Variants in RGS7 observed in about 807,000 individuals in gnomAD.
RGS7 encodes the protein regulator of G-protein signaling 7.
Under a neutral mutation model 81.1 loss-of-function variants are expected in RGS7, and 27 were observed. That is an observed-to-expected ratio of 0.33 (90% CI 0.25 to 0.46). RGS7 has a LOEUF of 0.46. Among genes scored for constraint, RGS7 ranks in the 20% least tolerant of loss-of-function variants. RGS7 has a pLI of 1.00. For missense variants in RGS7, 396 were observed against 607.4 expected, an observed-to-expected ratio of 0.65 and a Z score of 3.66; for synonymous variants, 208 against 207.7, an observed-to-expected ratio of 1.00 and a Z score of -0.01.
At position 241,271,983 on chromosome 1, in the gene RGS7, C is replaced by A. The variant is rs940664127; in HGVS notation, c.78+83716G>T. On this transcript the variant is annotated intron_variant, in intron 2 of 18. Coordinates refer to ENST00000440928, the MANE Select transcript of RGS7 (RefSeq NM_001364886.1). The surrounding 1 kb of genome is among the most constrained non-coding windows in gnomAD (Gnocchi z 4.6). ...TGGAGAACCCTGACTACTAGAATTT[C>A]TTTTTTTTTTTTTTTATTTTTATTT... Among the ~76,000 whole-genome samples the A allele has an allele frequency of 8.1e-6, 1 of 124,134 alleles. No homozygotes were observed. Among genetic ancestry groups the A allele is most frequent in the Non-Finnish European group, 1.7e-5 (1 of 59,534 alleles). 81.4% of individuals were successfully genotyped at this position (124,134 alleles called of 152,430 possible).
chr1:241,101,744 C>T (rs1199536259), intron 2 of RGS7, among the ~76,000 whole-genome samples: 1 of 152,194 alleles, frequency 6.6e-6, no homozygotes, highest in Non-Finnish European at 1.5e-5. Context: ...CTTTGTCCTG[C>T]CTCATATCAG....
Position 241,283,974 on chromosome 1 carries a change from T to C in RGS7, c.78+71725A>G, listed in dbSNP as rs114311567. On this transcript the variant is annotated intron_variant, in intron 2 of 18. Transcript: ENST00000440928. ...CTTAGACTTACATTTGGTTCTTTTT[T>C]GTACCTTATATTTCTTTGATAAGAC... 3.7e-3 allele frequency among the ~76,000 whole-genome samples: 570 copies of C among 152,342 alleles called. 6 individuals are homozygous for C. The highest frequency in any genetic ancestry group is 0.013 in the African/African-American group (533 of 41,594).
At position 241,296,446 on chromosome 1, in the gene RGS7, T is replaced by TA. The variant is rs999523181; in HGVS notation, c.78+59252dup. On this transcript the variant is annotated intron_variant, in intron 2 of 18. Transcript: ENST00000440928. ...ATAGTGATTAGGCGCTCAAGTGACA[T>TA]AAAAAAATTTTAAGTAAAAAATAAG... is the stretch of plus-strand genomic sequence containing the variant. 6.1e-4 allele frequency among the ~76,000 whole-genome samples: 93 copies of TA among 152,154 alleles called. 2 individuals are homozygous for TA. Among genetic ancestry groups the TA allele is most frequent in the Non-Finnish European group, 3.4e-4 (23 of 68,010 alleles).
At chr1:240,863,984 A>C (rs1662745977) in intron 9 of RGS7, among the ~76,000 whole-genome samples, 1 of 152,036 alleles carries the variant, frequency 6.6e-6, no homozygotes. Context: ...CTGGACCCAC[A>C]CCACCCCCTA....
At chr1:240,909,147 G>T (rs532525323) in intron 6 of RGS7, among the ~76,000 whole-genome samples, 1 of 152,184 alleles carries the variant, frequency 6.6e-6, no homozygotes, top group East Asian at 1.9e-4. Flanking sequence ...TTCTGAGTTG[G>T]TCATGATTTT....
At chr1:241,114,294 T>C (rs2065735852) in intron 2 of RGS7, among the ~76,000 whole-genome samples, 1 of 152,160 alleles carries the variant, frequency 6.6e-6, no homozygotes, top group Non-Finnish European at 1.5e-5. Flanking sequence ...AGCTTCCCCA[T>C]GCAACAACCT....
At chr1:240,985,007 C>CTAAAGGAAGTTTTACTAAA (rs1382080044) in intron 3 of RGS7, among the ~76,000 whole-genome samples, 1 of 152,182 alleles carries the variant, frequency 6.6e-6, no homozygotes, top group East Asian at 1.9e-4. Context: ...CATCCAGATC[C>CTAAAGGAAGTTTTACTAAA]TAAAGGAAGT....
At chr1:241,280,782 A>G (rs1573488374) in intron 2 of RGS7, among the ~76,000 whole-genome samples, 2 of 152,220 alleles carry the variant, frequency 1.3e-5, no homozygotes, top group East Asian at 3.8e-4. Context: ...AGGGATTACA[A>G]GCATAAGCCA....
intron 5 of RGS7, among the ~76,000 whole-genome samples, chr1:240,935,215 C>T (rs1676423540): frequency 6.6e-6 from 1 of 152,018 alleles, no homozygotes; most frequent in East Asian, 1.9e-4. Flanking sequence ...CCTTTTAGAC[C>T]CATGAGCATG....
intron 3 of RGS7, among the ~76,000 whole-genome samples, chr1:241,085,737 C>G (rs1215721560): frequency 6.6e-6 from 1 of 152,084 alleles, no homozygotes; most frequent in African/African-American, 2.4e-5. Context: ...CCTGGCCTCC[C>G]TCATACTTTC....
intron 2 of RGS7, among the ~76,000 whole-genome samples, chr1:241,239,207 C>T (rs1317454): frequency 0.68 from 103,878 of 151,754 alleles, 35,668 homozygotes; most frequent in African/African-American, 0.74. Context: ...GACCTCGTGA[C>T]CTGCCTCCCA....
intron 6 of RGS7, among the ~76,000 whole-genome samples, chr1:240,908,222 T>C (rs1267644651): frequency 7.2e-6 from 1 of 138,488 alleles, no homozygotes. Context: ...GGGGGAGGGA[T>C]AGCATTAGGA....
intron 3 of RGS7, among the ~76,000 whole-genome samples, chr1:240,999,130 G>A (rs750002673): frequency 6.6e-5 from 10 of 151,838 alleles, no homozygotes; most frequent in Non-Finnish European, 1.5e-4. Context: ...TTTTGATGTT[G>A]TCCTTTTCAG....
intron 4 of RGS7, among the ~76,000 whole-genome samples, chr1:240,972,164 C>T (rs1219098700): frequency 9.9e-5 from 15 of 152,138 alleles, no homozygotes; most frequent in Admixed American, 9.8e-4. Context: ...TCAGTTGGGT[C>T]CATGCCTCTC....
intron 3 of RGS7, among the ~76,000 whole-genome samples, chr1:241,057,687 G>A (rs1332792324): frequency 1.3e-5 from 2 of 152,022 alleles, no homozygotes; most frequent in East Asian, 1.9e-4. Context: ...GCCGAGGTGG[G>A]TGGATCCCTT....
In RGS7 at chr1:241,347,159, T is replaced by C. The variant is rs915154309; in HGVS notation, c.78+8540A>G. On this transcript the variant is annotated intron_variant, in intron 2 of 18. Transcript: ENST00000440928. Reference sequence around the variant, plus strand: ...GATTTGTATTGTTCTTGACATCTTCTACCAATGAGTAAATGGAGGAAATCA... The same window carrying C: ...GATTTGTATTGTTCTTGACATCTTCCACCAATGAGTAAATGGAGGAAATCA... Among the ~76,000 whole-genome samples, 5 of 152,194 alleles carry C rather than the reference T, an allele frequency of 3.3e-5. No individual in the cohort carries two copies. In the South Asian group the frequency reaches 8.3e-4, roughly 25 times the overall value.
At chr1:240,946,186 A>G (rs1678574760) in intron 4 of RGS7, among the ~76,000 whole-genome samples, 1 of 152,226 alleles carries the variant, frequency 6.6e-6, no homozygotes, top group South Asian at 2.1e-4. Flanking sequence ...GTAAATTCAG[A>G]TGAGTTATTT....
chr1:241,331,446 T>C (rs1053031226), intron 2 of RGS7, among the ~76,000 whole-genome samples: 2 of 152,192 alleles, frequency 1.3e-5, no homozygotes, highest in Admixed American at 6.5e-5. Flanking sequence ...ATTAAGTTAT[T>C]AATATATAGT....
At chr1:241,246,116 A>G (rs532233455) in intron 2 of RGS7, among the ~76,000 whole-genome samples, 1 of 152,162 alleles carries the variant, frequency 6.6e-6, no homozygotes, top group South Asian at 2.1e-4. Flanking sequence ...AAATAAATAA[A>G]TAAAAAACCG....
Sources: allele counts gnomAD v4.1 joint callset (sites outside exome capture counted in the v4.1 genomes callset), GRCh38; gene constraint gnomAD v4.1.1; non-coding constraint Gnocchi (gnomAD v3.1); transcripts MANE v1.5; gene names NCBI Gene and HGNC (gene_info 2026-07-23, HGNC 2026-07-21).